Variants in SETD3 observed in about 807,000 individuals in gnomAD.
SETD3 encodes the protein SET domain containing 3, actin N3(tau)-histidine methyltransferase.
Under a neutral mutation model 63.0 loss-of-function variants are expected in SETD3, and 19 were observed. That is an observed-to-expected ratio of 0.30 (90% confidence interval 0.21 to 0.44). The LOEUF (loss-of-function observed/expected upper bound fraction) is 0.44, where lower values mean the gene tolerates loss of function less well. Ranked by LOEUF, SETD3 falls within the 20% of genes least tolerant of loss-of-function variation. The pLI is 1.00. For synonymous variants in SETD3, 286 were observed against 264.1 expected, an observed-to-expected ratio of 1.08 and a Z score of -0.80; for missense variants, 587 against 728.5, an observed-to-expected ratio of 0.81 and a Z score of 2.24.
At chr14:99,435,177 A>G (rs1893410845) in intron 6 of SETD3, among the ~76,000 whole-genome samples, 2 of 152,180 alleles carry the variant, frequency 1.3e-5, no homozygotes, top group South Asian at 4.1e-4. Flanking sequence ...TTCATAGACT[A>G]TGAATAAACC....
At chr14:99,422,533 C>T (rs182259090) in intron 6 of SETD3, among the ~76,000 whole-genome samples, 15 of 152,226 alleles carry the variant, frequency 9.9e-5, no homozygotes, top group Middle Eastern at 3.4e-3. Flanking sequence ...TAGGGGTGCA[C>T]CACAGAATCT....
At chr14:99,400,919 C>T (rs1891355235) in intron 11 of SETD3, among the ~76,000 whole-genome samples, 1 of 152,172 alleles carries the variant, frequency 6.6e-6, no homozygotes, top group African/African-American at 2.4e-5. Context: ...GCAGGTGGAT[C>T]ACTTGAGCCC....
At chr14:99,418,943 G>A (rs1255480419) in intron 6 of SETD3, among the ~76,000 whole-genome samples, 2 of 152,284 alleles carry the variant, frequency 1.3e-5, no homozygotes, top group East Asian at 3.9e-4. Flanking sequence ...GCAGCAGCAT[G>A]CAAGACAGCG....
At chr14:99,406,638 C>T (rs1566873977) in intron 8 of SETD3, 48 bp from the exon 9 acceptor site, 4 of 1,537,824 alleles carry the variant, frequency 2.6e-6, no homozygotes, top group Non-Finnish European at 2.7e-6. Context: ...AACACACGCA[C>T]ATCTCACTTA....
At chr14:99,480,998 T>G, upstream of SETD3, 1 of 155,094 alleles carries the variant, frequency 6.4e-6, no homozygotes, top group Non-Finnish European at 1.4e-5. Context: ...CGGCGTTCCG[T>G]TCGGGGTCCT....
At chr14:99,460,608 G>A (rs145939053) in intron 4 of SETD3, among the ~76,000 whole-genome samples, 1 of 152,204 alleles carries the variant, frequency 6.6e-6, no homozygotes, top group East Asian at 1.9e-4. Context: ...TCTTAGAAGA[G>A]ACATGAGTGA....
At chr14:99,442,598 C>A (rs914775363) in intron 6 of SETD3, among the ~76,000 whole-genome samples, 1 of 152,176 alleles carries the variant, frequency 6.6e-6, no homozygotes, top group Non-Finnish European at 1.5e-5. Context: ...TAACCCACTC[C>A]CACTAATGAA....
chr14:99,471,882 C>T (rs940124023), intron 1 of SETD3, among the ~76,000 whole-genome samples: 2 of 152,122 alleles, frequency 1.3e-5, no homozygotes, highest in South Asian at 2.1e-4. Flanking sequence ...CACGAGCATC[C>T]GCCCATGACC....
At chr14:99,468,101 A>C (rs1895494728) in intron 1 of SETD3, among the ~76,000 whole-genome samples, 1 of 151,800 alleles carries the variant, frequency 6.6e-6, no homozygotes, top group Non-Finnish European at 1.5e-5. Context: ...TAAGAGGTAC[A>C]GCTAGAATCT....
Position 99,413,080 on chromosome 14 carries a change from A to C in SETD3, c.735-15T>G. ...AGACTGCCCACCTATAACAAGATAA[A>C]TGGTGACTTAAGGTTGGAACATTTA... On this transcript the variant is annotated splice_polypyrimidine_tract_variant and intron_variant, in intron 7 of 12. Coordinates refer to ENST00000331768, the MANE Select transcript of SETD3 (RefSeq NM_032233.3). 6.7e-7 allele frequency: 1 copy of C among 1,484,172 alleles called. No individual in the cohort carries two copies. The highest frequency in any genetic ancestry group is 9.4e-7 in the Non-Finnish European group (1 of 1,065,320). 91.9% of individuals were successfully genotyped at this position (1,484,172 alleles called of 1,614,324 possible).
intron 6 of SETD3, among the ~76,000 whole-genome samples, chr14:99,419,572 G>A (rs1030837619): frequency 1.3e-5 from 2 of 151,960 alleles, no homozygotes; most frequent in African/African-American, 2.4e-5. Flanking sequence ...TCAGGAGATC[G>A]AGACCATCCC....
chr14:99,463,590 G>C lies in SETD3; in HGVS notation c.104-12C>G. 6.2e-7 allele frequency: 1 copy of C among 1,604,046 alleles called. No individual in the cohort carries two copies. Among genetic ancestry groups the C allele is most frequent in the Non-Finnish European group, 8.5e-7 (1 of 1,171,512 alleles). ...CGGACTGCTGCATTCTGTAACATAAGAGGCATGGTACTGAAACACTTCTCT... is the reference window on the plus strand; with the variant it reads ...CGGACTGCTGCATTCTGTAACATAACAGGCATGGTACTGAAACACTTCTCT... On this transcript the variant is annotated splice_polypyrimidine_tract_variant and intron_variant, in intron 2 of 12. Coordinates refer to ENST00000331768, the MANE Select transcript of SETD3 (RefSeq NM_032233.3).
intron 1 of SETD3, among the ~76,000 whole-genome samples, chr14:99,468,641 C>T (rs1895528633): frequency 8.2e-6 from 1 of 121,794 alleles, no homozygotes; most frequent in South Asian, 2.9e-4. Flanking sequence ...CTATCTCTGC[C>T]TCCCCGTTCA....
rs113737758 is a variant in SETD3 at position 99,404,673 on chromosome 14, T to G, written c.1092-363A>C. Among the ~76,000 whole-genome samples the G allele has an allele frequency of 9.4e-3, 1,437 of 152,290 alleles. 20 individuals carry two copies. The highest frequency in any genetic ancestry group is 0.033 in the African/African-American group (1,351 of 41,556). ...CACACTTTAATCATTAATCAAATAT[T>G]GACAAGTTCAATAAAAAAAAGGTCT... is the stretch of plus-strand genomic sequence containing the variant. On this transcript the variant is annotated intron_variant, in intron 10 of 12. Transcript: ENST00000331768.
At chr14:99,461,448 T>A in intron 3 of SETD3, 108 bp from the exon 4 acceptor site, 1 of 1,090,802 alleles carries the variant, frequency 9.2e-7, no homozygotes, top group Non-Finnish European at 1.3e-6. Context: ...GAAATAGTCT[T>A]AACACGCCAA....
chr14:99,448,029 G>C (rs1288719735), intron 6 of SETD3, among the ~76,000 whole-genome samples: 5 of 152,148 alleles, frequency 3.3e-5, no homozygotes, highest in Non-Finnish European at 2.9e-5. Flanking sequence ...CTTAAAACTA[G>C]ACTATTTCTT....
upstream of SETD3, among the ~76,000 whole-genome samples, chr14:99,484,132 C>T (rs1240717861): frequency 1.3e-5 from 2 of 152,210 alleles, no homozygotes; most frequent in African/African-American, 4.8e-5. Context: ...ATGTAACATT[C>T]CACTTAAACA....
At chr14:99,422,868 T>C (rs1892661617) in intron 6 of SETD3, among the ~76,000 whole-genome samples, 1 of 152,140 alleles carries the variant, frequency 6.6e-6, no homozygotes, top group Non-Finnish European at 1.5e-5. Flanking sequence ...CATCAAAGGC[T>C]CAGTGTGCGG....
chr14:99,406,710 G>C, intron 8 of SETD3, 120 bp from the exon 9 acceptor site: 1 of 910,500 alleles, frequency 1.1e-6, no homozygotes, highest in Non-Finnish European at 1.7e-6. Context: ...TCAAAAGGTG[G>C]CATCTGAATG....
Sources: allele counts gnomAD v4.1 joint callset (sites outside exome capture counted in the v4.1 genomes callset), GRCh38; gene constraint gnomAD v4.1.1; transcripts MANE v1.5; gene names NCBI Gene and HGNC (gene_info 2026-07-23, HGNC 2026-07-21).